CUX2: variants seen among roughly 807,000 people sequenced by gnomAD.
CUX2 encodes the protein homeobox protein cut-like 2.
CUX2 carries 40 observed loss-of-function variants against 144.8 expected under a neutral mutation model. The ratio of observed to expected loss-of-function variants is 0.28; its 90% confidence interval spans 0.21 to 0.36. The LOEUF (loss-of-function observed/expected upper bound fraction) is 0.36. Ranked by LOEUF, CUX2 falls within the 10% of genes least tolerant of loss-of-function variation. The pLI is 1.00. For missense variants in CUX2, 1,615 were observed against 1,994.0 expected, an observed-to-expected ratio of 0.81 and a Z score of 3.62; for synonymous variants, 827 against 875.6, an observed-to-expected ratio of 0.94 and a Z score of 0.98.
intron 1 of CUX2, among the ~76,000 whole-genome samples, chr12:111,064,508 G>T (rs185818162): frequency 6.6e-6 from 1 of 152,320 alleles, no homozygotes; most frequent in African/African-American, 2.4e-5. Flanking sequence ...ATTTGAGTCT[G>T]GCTATCTCAG....
At chr12:111,128,796 C>G in intron 1 of CUX2, among the ~76,000 whole-genome samples, 1 of 152,228 alleles carries the variant, frequency 6.6e-6, no homozygotes, top group East Asian at 1.9e-4. Flanking sequence ...CTGTCGAAGA[C>G]TCCAGATAGC....
At position 111,190,845 on chromosome 12, in the gene CUX2, CCTGCCATGAAA is replaced by C. The variant is rs1344522330; in HGVS notation, c.64-23351_64-23341del. Among the ~76,000 whole-genome samples, 1 of 152,170 alleles carries C rather than the reference CCTGCCATGAAA, an allele frequency of 6.6e-6. No individual in the cohort carries two copies. Among genetic ancestry groups the C allele is most frequent in the African/African-American group, 2.4e-5 (1 of 41,432 alleles). Reference sequence around the variant, plus strand: ...GGCTTTTAATCTGTGTGCGTTGACTCCTGCCATGAAACTGACACCCTCCAAGGACCCTCCTC... The same window carrying C: ...GGCTTTTAATCTGTGTGCGTTGACTCCTGACACCCTCCAAGGACCCTCCTC... On this transcript the variant is annotated intron_variant, in intron 1 of 21. Transcript: ENST00000261726. The surrounding 1 kb of genome is among the most constrained non-coding windows in gnomAD (Gnocchi z 4.0).
At chr12:111,274,175 C>A (rs945714586) in intron 4 of CUX2, among the ~76,000 whole-genome samples, 1 of 152,082 alleles carries the variant, frequency 6.6e-6, no homozygotes, top group African/African-American at 2.4e-5. Flanking sequence ...GATGATCTAC[C>A]CACCTCGGCC....
At chr12:111,181,111 C>T (rs1323334371) in intron 1 of CUX2, among the ~76,000 whole-genome samples, 1 of 152,214 alleles carries the variant, frequency 6.6e-6, no homozygotes. Flanking sequence ...AATAACCAGG[C>T]GGAATATTCC....
intron 1 of CUX2, among the ~76,000 whole-genome samples, chr12:111,111,851 TA>T (rs10558854): frequency 1.1e-4 from 17 of 148,910 alleles, no homozygotes; most frequent in African/African-American, 3.2e-4. Flanking sequence ...AATTTGCCTT[TA>T]AAAAAAAAAG....
intron 3 of CUX2, among the ~76,000 whole-genome samples, chr12:111,225,212 A>C (rs1338901593): frequency 6.6e-6 from 1 of 152,196 alleles, no homozygotes; most frequent in Non-Finnish European, 1.5e-5. Context: ...CCCAAGAACA[A>C]AGCCCACCAC....
At position 111,320,027 on chromosome 12, in the gene CUX2, C is replaced by G. The variant is rs773880108; in HGVS notation, c.2018C>G (p.Ser673Trp). The G allele has an allele frequency of 6.5e-7, 1 of 1,532,072 alleles. No homozygotes were observed. The highest frequency in any genetic ancestry group is 1.4e-5 in the African/African-American group (1 of 71,914). The allele number at this position is 1,532,072 out of a possible 1,614,324, so 94.9% of individuals were successfully genotyped here. A position where few individuals can be genotyped will look rare whatever the true frequency, so the allele number is the denominator to read the frequency against. ...CTCCCCGCAGGCGAGCCCAAGACCTCGGTGGCCCCGCTGAGCATCGCCAAC... is the reference window on the plus strand; with the variant it reads ...CTCCCCGCAGGCGAGCCCAAGACCTGGGTGGCCCCGCTGAGCATCGCCAAC... ...ESQKGGEPKT[S>W]VAPLSIANGT... is the part of the protein sequence containing the mutation. Residue 673 changes from serine (S) to tryptophan (W), a missense_variant, in exon 17 of 22, where the codon TCG (serine) becomes TGG (tryptophan). Physicochemically the swap from Ser to Trp is radical, Grantham distance 177. This residue lies in a region of CUX2 where 390 missense variants were observed against 387.1 expected (regional missense o/e 1.01). Coordinates refer to ENST00000261726, the MANE Select transcript of CUX2 (RefSeq NM_015267.4). The surrounding 1 kb of genome is among the most constrained non-coding windows in gnomAD (Gnocchi z 8.1).
At chr12:111,305,378 C>T (rs1427505570) in intron 10 of CUX2, among the ~76,000 whole-genome samples, 1 of 152,172 alleles carries the variant, frequency 6.6e-6, no homozygotes, top group Non-Finnish European at 1.5e-5. Flanking sequence ...GTGTCTATGT[C>T]TCTCTTTCTG....
chr12:111,224,516 CTT>C (rs34109440), intron 3 of CUX2, among the ~76,000 whole-genome samples: 4,571 of 77,242 alleles, frequency 0.059, 139 homozygotes, highest in East Asian at 0.19. Flanking sequence ...AATTACAGGG[CTT>C]TTTTTTTTTT....
chr12:111,202,869 C>T (rs1000788312), intron 1 of CUX2, among the ~76,000 whole-genome samples: 1 of 151,938 alleles, frequency 6.6e-6, no homozygotes, highest in Non-Finnish European at 1.5e-5. Flanking sequence ...GCTAAGCCTC[C>T]GAGCAGGTGA....
Position 111,341,814 on chromosome 12 carries a change from C to T in CUX2, c.3420C>T (p.Thr1140=), listed in dbSNP as rs376748122. 26 of 1,610,544 alleles carry T rather than the reference C, an allele frequency of 1.6e-5. No individual in the cohort carries two copies. Among genetic ancestry groups the T allele is most frequent in the South Asian group, 7.7e-5 (7 of 90,844 alleles). ...YLKRRYGLIS[T]GSDSESPATR... ...AACGTCGCTATGGCCTCATCAGCACCGGCTCAGACAGTGAGTCCCCGGCCA... is the reference window on the plus strand; with the variant it reads ...AACGTCGCTATGGCCTCATCAGCACTGGCTCAGACAGTGAGTCCCCGGCCA... Residue 1140 remains threonine (T), a synonymous_variant, in exon 21 of 22, where the codon ACC becomes ACT. Transcript: ENST00000261726.
intron 3 of CUX2, 36 bp downstream of exon 3, chr12:111,217,973 C>T: frequency 2.5e-6 from 4 of 1,611,588 alleles, no homozygotes; most frequent in African/African-American, 1.3e-5. Context: ...CAGAAAAGTG[C>T]CCCCAATGGC....
intron 3 of CUX2, among the ~76,000 whole-genome samples, chr12:111,258,751 T>C (rs1883961456): frequency 6.6e-6 from 1 of 152,114 alleles, no homozygotes. Context: ...AGTGGTGTGA[T>C]CACAGCTCAC....
intron 1 of CUX2, among the ~76,000 whole-genome samples, chr12:111,144,379 C>T (rs997993559): frequency 1.3e-5 from 2 of 152,206 alleles, no homozygotes; most frequent in African/African-American, 2.4e-5. Flanking sequence ...CTATTCGGAA[C>T]GTCTCTTTTG....
At chr12:111,055,182 G>T (rs999832590) in intron 1 of CUX2, among the ~76,000 whole-genome samples, 1 of 152,216 alleles carries the variant, frequency 6.6e-6, no homozygotes, top group Non-Finnish European at 1.5e-5. Flanking sequence ...CCTCATAAAG[G>T]TCTAATGTGA....
intron 1 of CUX2, among the ~76,000 whole-genome samples, chr12:111,064,642 C>T (rs183503149): frequency 2.6e-5 from 4 of 152,274 alleles, no homozygotes; most frequent in Admixed American, 2.0e-4. Context: ...CCATGTACCC[C>T]AAGTTAAGAG....
At chr12:111,170,594 C>G (rs893521949) in intron 1 of CUX2, among the ~76,000 whole-genome samples, 1 of 141,756 alleles carries the variant, frequency 7.1e-6, no homozygotes, top group African/African-American at 2.7e-5. Context: ...CACTCTGTCA[C>G]CCAGGCTGGA....
intron 3 of CUX2, among the ~76,000 whole-genome samples, chr12:111,258,357 A>G (rs932407656): frequency 6.6e-6 from 1 of 152,156 alleles, no homozygotes; most frequent in African/African-American, 2.4e-5. Flanking sequence ...TACTAAAAGT[A>G]TAAAAATTAG....
intron 3 of CUX2, among the ~76,000 whole-genome samples, chr12:111,240,317 C>T (rs1289789814): frequency 1.3e-5 from 2 of 152,220 alleles, no homozygotes; most frequent in African/African-American, 4.8e-5. Context: ...GGTGCTTCCC[C>T]CACAAGGGCT....
Sources: allele counts gnomAD v4.1 joint callset (sites outside exome capture counted in the v4.1 genomes callset), GRCh38; gene constraint gnomAD v4.1.1; regional missense constraint gnomAD v4.1.1; non-coding constraint Gnocchi (gnomAD v3.1); transcripts MANE v1.5; gene names NCBI Gene and HGNC (gene_info 2026-07-23, HGNC 2026-07-21).